The following ZEB2 variants were observed in gnomAD, a reference collection of about 807,000 sequenced individuals.
ZEB2 encodes zinc finger E-box-binding homeobox 2.
Under a neutral mutation model 99.9 loss-of-function variants are expected in ZEB2, and 6 were observed. That is an observed-to-expected ratio of 0.06 (90% CI 0.03 to 0.12). The LOEUF (loss-of-function observed/expected upper bound fraction) is 0.12, where lower values mean the gene tolerates loss of function less well. ZEB2 is among the 10% of genes least tolerant of loss of function. The pLI is 1.00. For missense variants in ZEB2, 969 were observed against 1,502.8 expected, an observed-to-expected ratio of 0.64 and a Z score of 5.87; for synonymous variants, 517 against 542.5, an observed-to-expected ratio of 0.95 and a Z score of 0.65.
At chr2:144,438,434 A>G (rs1393907290) in intron 2 of ZEB2, among the ~76,000 whole-genome samples, 1 of 151,994 alleles carries the variant, frequency 6.6e-6, no homozygotes, top group African/African-American at 2.4e-5. Context: ...AGGGGGAAAT[A>G]GAGTCATAGG....
intron 2 of ZEB2, chr2:144,462,943 A>C (rs1334011813): frequency 4.6e-5 from 7 of 152,212 alleles, no homozygotes; most frequent in Admixed American, 4.6e-4. Context: ...CAGTTTCTGA[A>C]AGAGCAGTGT....
chr2:144,427,199 G>T (rs533907066), intron 3 of ZEB2: 1 of 152,322 alleles, frequency 6.6e-6, no homozygotes, highest in Admixed American at 6.5e-5. Flanking sequence ...CCAAGATGCA[G>T]GTGATTTATT....
chr2:144,513,619 G>A, intron 2 of ZEB2: 1 of 1,531,762 alleles, frequency 6.5e-7, no homozygotes, highest in Non-Finnish European at 8.7e-7. Context: ...TGGCGGGATG[G>A]GGAGGCAGAC....
intron 2 of ZEB2, among the ~76,000 whole-genome samples, chr2:144,451,838 C>A (rs960588456): frequency 6.6e-6 from 1 of 152,214 alleles, no homozygotes; most frequent in Non-Finnish European, 1.5e-5. Flanking sequence ...ATGGACACAT[C>A]GGTACGCATG....
intron 2 of ZEB2, among the ~76,000 whole-genome samples, chr2:144,434,040 T>C: frequency 6.6e-6 from 1 of 152,188 alleles, no homozygotes; most frequent in East Asian, 1.9e-4. Flanking sequence ...CCTACTTATA[T>C]GCTTTCTCTA....
chr2:144,486,453 G>A (rs975161471), intron 2 of ZEB2, among the ~76,000 whole-genome samples: 1 of 151,552 alleles, frequency 6.6e-6, no homozygotes, highest in Non-Finnish European at 1.5e-5. Context: ...AGTGGAACTC[G>A]GCAATTAATT....
chr2:144,499,004 A>G (rs1420113736), intron 2 of ZEB2, among the ~76,000 whole-genome samples: 3 of 152,230 alleles, frequency 2.0e-5, no homozygotes, highest in Non-Finnish European at 4.4e-5. Flanking sequence ...ACCACAAAAC[A>G]TAACTTCAGA....
chr2:144,476,553 A>G (rs1402310988), intron 2 of ZEB2, among the ~76,000 whole-genome samples: 1 of 152,220 alleles, frequency 6.6e-6, no homozygotes, highest in East Asian at 1.9e-4. Flanking sequence ...GCACTCTTCA[A>G]AGGGACTAGC....
intron 4 of ZEB2, among the ~76,000 whole-genome samples, chr2:144,422,055 A>G (rs1212256778): frequency 6.6e-6 from 1 of 152,154 alleles, no homozygotes; most frequent in South Asian, 2.1e-4. Flanking sequence ...TCAGAGAATC[A>G]ATTGTTTGTT....
chr2:144,392,448 T>C (rs569130492), intron 9 of ZEB2, among the ~76,000 whole-genome samples: 472 of 152,360 alleles, frequency 3.1e-3, no homozygotes, highest in Middle Eastern at 6.8e-3. Flanking sequence ...ATGCCTTGGT[T>C]ATAGACATTC....
chr2:144,396,898 AGAAATACCCATAAGT>A (rs1560605233), intron 8 of ZEB2, among the ~76,000 whole-genome samples: 1 of 152,184 alleles, frequency 6.6e-6, no homozygotes, highest in Non-Finnish European at 1.5e-5. Flanking sequence ...CTTTATACCA[AGAAATACCCATAAGT>A]GAAAATTTAA....
chr2:144,477,972 G>C (rs1704453659), intron 2 of ZEB2, among the ~76,000 whole-genome samples: 1 of 152,042 alleles, frequency 6.6e-6, no homozygotes, highest in Non-Finnish European at 1.5e-5. Context: ...AATCAGGCAG[G>C]AACATTCTTA....
At chr2:144,420,858 G>A (rs962194681) in intron 4 of ZEB2, among the ~76,000 whole-genome samples, 4 of 152,116 alleles carry the variant, frequency 2.6e-5, no homozygotes, top group Non-Finnish European at 4.4e-5. Context: ...AGAATGGAGC[G>A]CCATTGGTAT....
At chr2:144,430,635 A>G (rs772501981) in intron 2 of ZEB2, 29 of 172,134 alleles carry the variant, frequency 1.7e-4, no homozygotes, top group Non-Finnish European at 3.0e-4. Flanking sequence ...AGGAAAAGCC[A>G]TATCTTCTGG....
Position 144,488,670 on chromosome 2 carries a change from AGTGTGT to A in ZEB2, c.73+28602_73+28607del, listed in dbSNP as rs57221448. Reference sequence around the variant, plus strand: ...TCTTAAGGATAATTGCTCGTGTGTGAGTGTGTGTGTGTGTGTGTGTGTGTGTGTGTG... The same window carrying A: ...TCTTAAGGATAATTGCTCGTGTGTGAGTGTGTGTGTGTGTGTGTGTGTGTG... On this transcript the variant is annotated intron_variant, in intron 2 of 9. Transcript: ENST00000627532. Among the ~76,000 whole-genome samples the A allele has an allele frequency of 9.5e-3, 1,408 of 148,082 alleles. 20 individuals are homozygous for A. Among genetic ancestry groups the A allele is most frequent in the African/African-American group, 0.023 (939 of 39,998 alleles).
At chr2:144,471,168 G>A (rs1305669367) in intron 2 of ZEB2, among the ~76,000 whole-genome samples, 2 of 152,148 alleles carry the variant, frequency 1.3e-5, no homozygotes, top group Non-Finnish European at 2.9e-5. Context: ...TTAGAAAGAA[G>A]AAGAATATTT....
rs763325552 is a variant in ZEB2, at chr2:144,396,583, G to A, written c.2896C>T (p.Leu966Phe). The A allele has an allele frequency of 3.1e-6, 5 of 1,613,482 alleles. 1 individual carries two copies. In the East Asian group the frequency reaches 6.7e-5, roughly 22 times the overall value. The part of the protein sequence containing the change: ...QRKQGFQGEL[L>F]DGAQDYMSGL... ...GACATGTAGTCTTGTGCTCCATCAA[G>A]CAATTCTCCCTGCGATAGAATCACA... is the stretch of plus-strand genomic sequence containing the variant. The change falls in exon 9 of 10, where the codon CTT becomes TTT. Residue 966 changes from leucine (L) to phenylalanine (F), a missense_variant. By Grantham distance (22) the Leu-to-Phe change is conservative (BLOSUM62 0). This residue lies in a region of ZEB2 where 346 missense variants were observed against 460.0 expected (regional missense o/e 0.75). Coordinates refer to ENST00000627532, the MANE Select transcript of ZEB2 (RefSeq NM_014795.4).
At chr2:144,491,034 C>T (rs546881156) in intron 2 of ZEB2, among the ~76,000 whole-genome samples, 1 of 152,326 alleles carries the variant, frequency 6.6e-6, no homozygotes, top group South Asian at 2.1e-4. Context: ...GAGGACTCCC[C>T]GAGTACGCAT....
intron 2 of ZEB2, among the ~76,000 whole-genome samples, chr2:144,509,625 G>A (rs1705001109): frequency 6.6e-6 from 1 of 152,116 alleles, no homozygotes; most frequent in Non-Finnish European, 1.5e-5. Flanking sequence ...GAATGTGTGT[G>A]TGTGTGGTGC....
Sources: gnomAD v4.1 joint callset for allele counts (sites outside exome capture counted in the v4.1 genomes callset) on GRCh38, gnomAD v4.1.1 for gene constraint, gnomAD v4.1.1 regional missense constraint, MANE v1.5 for transcripts, NCBI Gene and HGNC (gene_info 2026-07-23, HGNC 2026-07-21) for gene names.